ARSK: variants seen among roughly 807,000 people sequenced by gnomAD.
The protein encoded by ARSK is arylsulfatase family member K.
ARSK carries 37 observed loss-of-function variants against 53.2 expected under a neutral mutation model. That is an observed-to-expected ratio of 0.70 (90% confidence interval 0.54 to 0.92). The LOEUF is 0.92. ARSK is among the 40% of genes least tolerant of loss of function. ARSK has a pLI of 0.00. For missense variants in ARSK, 613 were observed against 643.0 expected (o/e 0.95, Z 0.51); for synonymous variants, 208 against 223.2 (o/e 0.93, Z 0.61).
At chr5:95,559,023 C>A (rs1748581571) in intron 1 of ARSK, among the ~76,000 whole-genome samples, 1 of 152,144 alleles carries the variant, frequency 6.6e-6, no homozygotes, top group African/African-American at 2.4e-5. Flanking sequence ...CACCTGTAAT[C>A]CCAGCTACTC....
chr5:95,571,195 A>G (rs986749714), intron 3 of ARSK, among the ~76,000 whole-genome samples: 4 of 152,262 alleles, frequency 2.6e-5, no homozygotes, highest in Non-Finnish European at 5.9e-5. Context: ...AAAGTAAGAT[A>G]CAACTGTTTA....
intron 4 of ARSK, among the ~76,000 whole-genome samples, chr5:95,583,863 G>T (rs1477783654): frequency 1.3e-5 from 2 of 152,246 alleles, no homozygotes; most frequent in South Asian, 4.1e-4. Context: ...CACTTTCAAT[G>T]TAATGATATA....
chr5:95,583,814 T>C (rs1195504974), intron 4 of ARSK, among the ~76,000 whole-genome samples: 2 of 152,210 alleles, frequency 1.3e-5, no homozygotes, highest in Non-Finnish European at 2.9e-5. Flanking sequence ...TCATTATTTC[T>C]TTCTAAATTT....
Position 95,601,086 on chromosome 5 carries a change from A to G in ARSK, c.1321+15A>G. ...TCAACTCTTTGGTAAGTTTGTTAAT[A>G]TATTTTTAAGTGTAATATTATGTGT... On this transcript the variant is annotated intron_variant, in intron 7 of 7. Transcript: ENST00000380009. 1 of 1,596,000 alleles carries G rather than the reference A, an allele frequency of 6.3e-7. No homozygotes were observed. Among genetic ancestry groups the G allele is most frequent in the Non-Finnish European group, 8.6e-7 (1 of 1,163,738 alleles).
At chr5:95,580,792 T>G in intron 3 of ARSK, 1 of 492,168 alleles carries the variant, frequency 2.0e-6, no homozygotes, top group South Asian at 2.2e-5. Flanking sequence ...CTAAATGATT[T>G]TAAAGTACTG....
rs1162811756 is a variant in ARSK at position 95,582,949 on chromosome 5, T to C, written c.450T>C (p.Ala150=). The C allele has an allele frequency of 6.2e-7, 1 of 1,611,538 alleles. No homozygotes were observed. Among genetic ancestry groups the C allele is most frequent in the Non-Finnish European group, 8.5e-7 (1 of 1,178,276 alleles). Residue 150 remains alanine (A), a synonymous_variant, in exon 4 of 8, where the codon GCT becomes GCC. Coordinates refer to ENST00000380009, the MANE Select transcript of ARSK (RefSeq NM_198150.3). ...NRVEAWTRDV[A]FLLRQEGRPM... Reference sequence around the variant, plus strand: ...TGGAAGCGTGGACAAGAGATGTTGCTTTCTTACTCAGACAAGAAGGCAGGC... The same window carrying C: ...TGGAAGCGTGGACAAGAGATGTTGCCTTCTTACTCAGACAAGAAGGCAGGC...
chr5:95,574,294 G>C (rs1191973828), intron 3 of ARSK, among the ~76,000 whole-genome samples: 2 of 152,136 alleles, frequency 1.3e-5, no homozygotes, highest in African/African-American at 2.4e-5. Context: ...ATTGTGACTA[G>C]TACTGTAAGC....
chr5:95,602,237 G>A (rs1386533917), intron 7 of ARSK, among the ~76,000 whole-genome samples: 1 of 152,076 alleles, frequency 6.6e-6, no homozygotes, highest in Non-Finnish European at 1.5e-5. Context: ...TCATCAGAAT[G>A]CCTTTTCTAA....
rs947116810 is a variant in ARSK, at chr5:95,586,594, G to T, written c.732G>T (p.Trp244Cys). Residue 244 changes from tryptophan (W) to cysteine (C), a missense_variant, in exon 5 of 8, where the codon TGG becomes TGT. Physicochemically the swap from Trp to Cys is radical, Grantham distance 215. Transcript: ENST00000380009. ...VSHDAIKIPK[W>C]SPLSEMHPVD... ...ATGATGCCATCAAAATCCCAAAGTG[G>T]TCACCTTTGTCAGAAATGCACCCTG... 1 of 1,611,462 alleles carries T rather than the reference G, an allele frequency of 6.2e-7. No homozygotes were observed. The highest frequency in any genetic ancestry group is 1.1e-5 in the South Asian group (1 of 90,302).
chr5:95,573,513 G>A (rs968011998), intron 3 of ARSK, among the ~76,000 whole-genome samples: 4 of 152,126 alleles, frequency 2.6e-5, no homozygotes, highest in East Asian at 1.9e-4. Context: ...AAATACAATA[G>A]CAATCACAGC....
In ARSK at chr5:95,555,178, G is replaced by C; in HGVS notation, c.-101G>C. The C allele has an allele frequency of 8.5e-7, 1 of 1,173,090 alleles. No individual in the cohort carries two copies. The highest frequency in any genetic ancestry group is 3.2e-5 in the East Asian group (1 of 31,168). 72.7% of individuals were successfully genotyped at this position (1,173,090 alleles called of 1,614,324 possible). ...TTACTATCAAGCAACCAAACTGCAA[G>C]CTTTGGGAGTTGTTCGCTGTCCCTG... On this transcript the variant is annotated 5_prime_UTR_variant, in exon 1 of 8. Transcript: ENST00000380009. The surrounding 1 kb of genome is among the most constrained non-coding windows in gnomAD (Gnocchi z 4.0).
At chr5:95,583,815 T>C (rs1026536030) in intron 4 of ARSK, among the ~76,000 whole-genome samples, 2 of 152,196 alleles carry the variant, frequency 1.3e-5, no homozygotes, top group Non-Finnish European at 2.9e-5. Flanking sequence ...CATTATTTCT[T>C]TCTAAATTTG....
At position 95,599,560 on chromosome 5, in the gene ARSK, G is replaced by A. The variant is rs142307185; in HGVS notation, c.1097-1287G>A. 3.9e-3 allele frequency among the ~76,000 whole-genome samples: 590 copies of A among 152,090 alleles called. 4 individuals carry two copies. Among genetic ancestry groups the A allele is most frequent in the Middle Eastern group, 0.01 (3 of 294 alleles). ...TTCACCCAGGCAAGGCTTCTCTCCC[G>A]GGCACATCCTCTTTAACCTCTTTTC... On this transcript the variant is annotated intron_variant, in intron 6 of 7. Coordinates refer to ENST00000380009, the MANE Select transcript of ARSK (RefSeq NM_198150.3).
chr5:95,561,528 A>G (rs574482751), intron 1 of ARSK, among the ~76,000 whole-genome samples: 11 of 152,374 alleles, frequency 7.2e-5, no homozygotes, highest in African/African-American at 2.6e-4. Context: ...ATGCCCATCA[A>G]TTGATAAATG....
Position 95,583,034 on chromosome 5 carries a change from A to G in ARSK, c.535A>G (p.Asn179Asp), listed in dbSNP as rs1749044975. ...KVRVMERDWQ[N>D]TDKAVNWLRK... ...CAGAGTGATGGAAAGGGATTGGCAG[A>G]ATACAGACAAAGCAGTAAACTGGTT... is the stretch of plus-strand genomic sequence containing the variant. Residue 179 changes from asparagine (N) to aspartate (D), a missense_variant, in exon 4 of 8, where the codon AAT becomes GAT. Physicochemically the swap from Asn to Asp is conservative, Grantham distance 23 (BLOSUM62 1). Coordinates refer to ENST00000380009, the MANE Select transcript of ARSK (RefSeq NM_198150.3). 1.7e-5 allele frequency: 27 copies of G among 1,613,894 alleles called. No homozygotes were observed. The highest frequency in any genetic ancestry group is 2.3e-5 in the Non-Finnish European group (27 of 1,179,798).
chr5:95,591,881 G>A (rs1749224257), intron 6 of ARSK, among the ~76,000 whole-genome samples: 1 of 152,188 alleles, frequency 6.6e-6, no homozygotes, highest in Admixed American at 6.5e-5. Context: ...TGTAAAGTAA[G>A]CCATGTAAGA....
At chr5:95,582,199 C>T (rs1046075199) in intron 3 of ARSK, among the ~76,000 whole-genome samples, 2 of 152,086 alleles carry the variant, frequency 1.3e-5, no homozygotes, top group African/African-American at 2.4e-5. Context: ...ACTGCTTTCT[C>T]ACCAATTATG....
chr5:95,565,290 C>G (rs569315795), intron 1 of ARSK, among the ~76,000 whole-genome samples: 2 of 152,070 alleles, frequency 1.3e-5, no homozygotes, highest in African/African-American at 4.8e-5. Context: ...CCTGTGTTGC[C>G]CAGGCTGGTC....
intron 6 of ARSK, among the ~76,000 whole-genome samples, chr5:95,596,215 G>C (rs1052675012): frequency 6.6e-6 from 1 of 152,174 alleles, no homozygotes; most frequent in Non-Finnish European, 1.5e-5. Flanking sequence ...CTGTGAGACA[G>C]TATGTTCTAC....
Sources: allele counts gnomAD v4.1 joint callset (sites outside exome capture counted in the v4.1 genomes callset), GRCh38; gene constraint gnomAD v4.1.1; non-coding constraint Gnocchi (gnomAD v3.1); transcripts MANE v1.5; gene names NCBI Gene and HGNC (gene_info 2026-07-23, HGNC 2026-07-21).